BEGAIN: variants seen among roughly 807,000 people sequenced by gnomAD.
BEGAIN encodes brain-enriched guanylate kinase-associated protein.
BEGAIN carries 19 observed loss-of-function variants against 35.8 expected under a neutral mutation model. That is an observed-to-expected ratio of 0.53 (90% CI 0.37 to 0.78). The LOEUF (loss-of-function observed/expected upper bound fraction) is 0.78. Among genes scored for constraint, BEGAIN ranks in the 30% least tolerant of loss-of-function variants. The pLI, the probability that BEGAIN is intolerant of heterozygous loss-of-function variation, is 0.00. For synonymous variants in BEGAIN, 462 were observed against 388.6 expected (o/e 1.19, Z -2.22); for missense variants, 795 against 853.6 (o/e 0.93, Z 0.85).
intron 1 of BEGAIN, among the ~76,000 whole-genome samples, chr14:100,576,271 TGAGGGCCAGCAGCACA>T (rs2035199943): frequency 2.0e-5 from 3 of 152,044 alleles, no homozygotes; most frequent in African/African-American, 7.2e-5. Flanking sequence ...GCAGGCCACC[TGAGGGCCAGCAGCACA>T]CAGGTGGCAG....
Position 100,538,350 on chromosome 14 carries a change from G to C in BEGAIN, c.1458C>G (p.Leu486=), listed in dbSNP as rs2030923561. ...GKKADGRASP[L]YASYKADSFS... ...AGCTGTCGGCCTTGTAGCTGGCGTA[G>C]AGCGGGCTGGCGCGGCCGTCGGCCT... The change falls in exon 7 of 7, where the codon CTC becomes CTG. Residue 486 remains leucine, a synonymous_variant. Transcript: ENST00000554140. 3.3e-6 allele frequency: 5 copies of C among 1,517,154 alleles called. No individual in the cohort carries two copies. Among genetic ancestry groups the C allele is most frequent in the Non-Finnish European group, 4.4e-6 (5 of 1,139,744 alleles). 94.0% of individuals were successfully genotyped at this position (1,517,154 alleles called of 1,614,324 possible).
chr14:100,538,989 C>T lies in BEGAIN; in HGVS notation c.819G>A (p.Val273=). 6.2e-7 allele frequency: 1 copy of T among 1,610,346 alleles called. No homozygotes were observed. The highest frequency in any genetic ancestry group is 8.5e-7 in the Non-Finnish European group (1 of 1,178,844). ...TGGAGTTCTGGGCCCGCAGGAAGCC[C>T]ACGTCGGTCACGGGCGCGTCCACGC... The part of the protein sequence containing the change: ...RPSVDAPVTD[V]GFLRAQNSTD... Residue 273 remains valine, a synonymous_variant, in exon 7 of 7, where the codon GTG becomes GTA. Transcript: ENST00000554140.
At chr14:100,561,345 A>G (rs1467147762) in intron 2 of BEGAIN, among the ~76,000 whole-genome samples, 1 of 152,182 alleles carries the variant, frequency 6.6e-6, no homozygotes, top group Non-Finnish European at 1.5e-5. Flanking sequence ...CCAGCTCACA[A>G]GCCAGGTGCA....
At chr14:100,585,543 G>C (rs899628445) in intron 1 of BEGAIN, among the ~76,000 whole-genome samples, 1 of 151,180 alleles carries the variant, frequency 6.6e-6, no homozygotes, top group East Asian at 1.9e-4. Flanking sequence ...GAGATGATGC[G>C]TGGAAATGCT....
Position 100,538,927 on chromosome 14 carries a change from G to GCCTCGGCCTCCTCCTCCT in BEGAIN, c.863_880dup (p.Glu288_Glu293dup). ...CTGGAAGCCCGCCGGGAAGGCCGCC[G>GCCTCGGCCTCCTCCTCCT]CCTCGGCCTCCTCCTCCTCCTCGGC... On this transcript the variant is annotated inframe_insertion, in exon 7 of 7. Coordinates refer to ENST00000554140, the MANE Select transcript of BEGAIN (RefSeq NM_001385089.1). 6.2e-7 allele frequency: 1 copy of GCCTCGGCCTCCTCCTCCT among 1,607,940 alleles called. No individual in the cohort carries two copies. Among genetic ancestry groups the GCCTCGGCCTCCTCCTCCT allele is most frequent in the Admixed American group, 1.7e-5 (1 of 59,700 alleles).
chr14:100,539,861 G>A (rs1038786714), intron 6 of BEGAIN, among the ~76,000 whole-genome samples: 6 of 152,074 alleles, frequency 3.9e-5, no homozygotes, highest in African/African-American at 7.2e-5. Context: ...GGGGTGTCCC[G>A]CTACTGTTTG....
chr14:100,538,926 C>T lies in BEGAIN; in HGVS notation c.882G>A (p.Ala294=), dbSNP rs2140428216. The T allele has an allele frequency of 1.2e-6, 2 of 1,607,932 alleles. No homozygotes were observed. Among genetic ancestry groups the T allele is most frequent in the East Asian group, 2.2e-5 (1 of 44,718 alleles). The change falls in exon 7 of 7, where the codon GCG becomes GCA. Residue 294 remains alanine (A), a synonymous_variant. Transcript: ENST00000554140. Reference sequence around the variant, plus strand: ...GCTGGAAGCCCGCCGGGAAGGCCGCCGCCTCGGCCTCCTCCTCCTCCTCGG... The same window carrying T: ...GCTGGAAGCCCGCCGGGAAGGCCGCTGCCTCGGCCTCCTCCTCCTCCTCGG... ...SAAEEEEEAE[A]AAFPAGFQHE...
chr14:100,562,795 C>T (rs1257038213), intron 2 of BEGAIN, among the ~76,000 whole-genome samples: 1 of 152,180 alleles, frequency 6.6e-6, no homozygotes. Context: ...TCACTGCCTT[C>T]CTTTCTTTTT....
chr14:100,566,878 G>A (rs1216408856), intron 2 of BEGAIN, among the ~76,000 whole-genome samples: 1 of 152,136 alleles, frequency 6.6e-6, no homozygotes, highest in East Asian at 1.9e-4. Context: ...CTCTGTGTGA[G>A]CCCACCTGCC....
intron 1 of BEGAIN, among the ~76,000 whole-genome samples, chr14:100,582,092 T>G (rs944004992): frequency 5.3e-5 from 8 of 152,228 alleles, no homozygotes; most frequent in Admixed American, 2.0e-4. Flanking sequence ...GTGGTCACCT[T>G]CACCAACCTT....
At chr14:100,544,516 C>T (rs1427081183) in intron 4 of BEGAIN, among the ~76,000 whole-genome samples, 7 of 152,236 alleles carry the variant, frequency 4.6e-5, no homozygotes, top group Admixed American at 2.6e-4. Flanking sequence ...CACCCTGCCC[C>T]TCTTCGACAT....
rs941122065 is a variant in BEGAIN at position 100,573,417 on chromosome 14, G to C, written c.43-5478C>G. 2.0e-5 allele frequency among the ~76,000 whole-genome samples: 3 copies of C among 152,130 alleles called. No individual in the cohort carries two copies. The highest frequency in any genetic ancestry group is 4.4e-5 in the Non-Finnish European group (3 of 67,990). On this transcript the variant is annotated intron_variant, in intron 1 of 6. Coordinates refer to ENST00000554140, the MANE Select transcript of BEGAIN (RefSeq NM_001385089.1). This position sits in a 1 kb window ranked among gnomAD's most constrained non-coding sequence, Gnocchi z 4.2. Reference sequence around the variant, plus strand: ...ACCAGTGGGAAGGAGCAGCTGGGGTGCGGGGCCTCGTGCACCCTCATCAGG... The same window carrying C: ...ACCAGTGGGAAGGAGCAGCTGGGGTCCGGGGCCTCGTGCACCCTCATCAGG...
At position 100,538,748 on chromosome 14, in the gene BEGAIN, CGAA is replaced by C; in HGVS notation, c.1057_1059del (p.Phe353del). ...TAGGTGGTGGCGGGTGGCTTGCGGTCGAAGAGCTCGTCGCGGCTGTTCAGGTAG... is the reference window on the plus strand; with the variant it reads ...TAGGTGGTGGCGGGTGGCTTGCGGTCGAGCTCGTCGCGGCTGTTCAGGTAG... On this transcript the variant is annotated inframe_deletion, in exon 7 of 7. Transcript: ENST00000554140. 1 of 1,573,422 alleles carries C rather than the reference CGAA, an allele frequency of 6.4e-7. No individual in the cohort carries two copies. The highest frequency in any genetic ancestry group is 8.6e-7 in the Non-Finnish European group (1 of 1,160,312).
rs1056813186 is a variant in BEGAIN, at chr14:100,538,879, G to A, written c.929C>T (p.Ala310Val). 9.3e-6 allele frequency: 15 copies of A among 1,607,552 alleles called. No homozygotes were observed. The highest frequency in any genetic ancestry group is 1.3e-5 in the African/African-American group (1 of 74,858). Residue 310 changes from alanine (A) to valine (V), a missense_variant, in exon 7 of 7, where the codon GCA (alanine) becomes GTA (valine). Physicochemically the swap from Ala to Val is moderately conservative, Grantham distance 64. Around this residue, in one of 3 missense-constraint regions of BEGAIN, gnomAD observed 664 missense variants for 647.7 expected, o/e 1.03. Coordinates refer to ENST00000554140, the MANE Select transcript of BEGAIN (RefSeq NM_001385089.1). ...GFQHEAFPSY[A>V]GSLPTSSSYS... Reference sequence around the variant, plus strand: ...GGAGCTGGACGTGGGCAGTGAGCCTGCGTAGCTGGGGAAGGCCTCATGCTG... The same window carrying A: ...GGAGCTGGACGTGGGCAGTGAGCCTACGTAGCTGGGGAAGGCCTCATGCTG...
At chr14:100,566,275 C>T (rs2034674312) in intron 2 of BEGAIN, among the ~76,000 whole-genome samples, 1 of 152,246 alleles carries the variant, frequency 6.6e-6, no homozygotes, top group Non-Finnish European at 1.5e-5. Context: ...CCATCAGCAG[C>T]TCAGGCAGCA....
chr14:100,571,355 T>C (rs1433567193), intron 1 of BEGAIN, among the ~76,000 whole-genome samples: 1 of 152,116 alleles, frequency 6.6e-6, no homozygotes, highest in Non-Finnish European at 1.5e-5. Flanking sequence ...AGCTCCCAGC[T>C]GCCTCCCTCC....
In BEGAIN at chr14:100,543,322, G is replaced by A. The variant is rs1386748168; in HGVS notation, c.408+536C>T. Among the ~76,000 whole-genome samples, 3 of 141,696 alleles carry A rather than the reference G, an allele frequency of 2.1e-5. No homozygotes were observed. In the South Asian group the frequency reaches 6.6e-4, roughly 31 times the overall value. 93.0% of individuals were successfully genotyped at this position (141,696 alleles called of 152,430 possible). Reference sequence around the variant, plus strand: ...TTTTTTTTTGTTTTTTTTTTTGCCTGTGTTGTTCACACCATCATCTTGGAG... The same window carrying A: ...TTTTTTTTTGTTTTTTTTTTTGCCTATGTTGTTCACACCATCATCTTGGAG... On this transcript the variant is annotated intron_variant, in intron 5 of 6. Transcript: ENST00000554140.
At chr14:100,550,514 G>A in intron 2 of BEGAIN, 1 of 399,064 alleles carries the variant, frequency 2.5e-6, no homozygotes. Flanking sequence ...CGCAGCCTGT[G>A]GGCAAAGAGG....
chr14:100,538,921 G>A lies in BEGAIN; in HGVS notation c.887C>T (p.Ala296Val). 1 of 1,607,902 alleles carries A rather than the reference G, an allele frequency of 6.2e-7. No individual in the cohort carries two copies. ...CTCATGCTGGAAGCCCGCCGGGAAG[G>A]CCGCCGCCTCGGCCTCCTCCTCCTC... ...AEEEEEAEAA[A>V]FPAGFQHEAF... is the part of the protein sequence containing the mutation. The change falls in exon 7 of 7, where the codon GCC becomes GTC. Residue 296 changes from alanine to valine, a missense_variant. Ala to Val is a moderately conservative substitution (Grantham distance 64). This residue lies in a region of BEGAIN where 664 missense variants were observed against 647.7 expected (regional missense o/e 1.03). Coordinates refer to ENST00000554140, the MANE Select transcript of BEGAIN (RefSeq NM_001385089.1).
Sources: gnomAD v4.1 joint callset for allele counts (sites outside exome capture counted in the v4.1 genomes callset) on GRCh38, gnomAD v4.1.1 for gene constraint, gnomAD v4.1.1 regional missense constraint, Gnocchi (gnomAD v3.1) non-coding constraint, MANE v1.5 for transcripts, NCBI Gene and HGNC (gene_info 2026-07-23, HGNC 2026-07-21) for gene names.